Variants in DIAPH2 observed in about 807,000 individuals in gnomAD.
The protein encoded by DIAPH2 is protein diaphanous homolog 2.
DIAPH2 carries 35 observed loss-of-function variants against 92.7 expected under a neutral mutation model. The observed-to-expected ratio is 0.38, with a 90% CI of 0.29 to 0.50. The LOEUF is 0.50. Ranked by LOEUF, DIAPH2 falls within the 20% of genes least tolerant of loss-of-function variation. The pLI, the probability that DIAPH2 is intolerant of heterozygous loss-of-function variation, is 0.94. For missense variants in DIAPH2, 701 were observed against 819.5 expected (o/e 0.86, Z 1.77); for synonymous variants, 301 against 280.4 (o/e 1.07, Z -0.73).
chrX:97,018,875 G>T (rs2066278120), intron 17 of DIAPH2, among the ~76,000 whole-genome samples: 1 of 111,348 alleles, frequency 9.0e-6, no homozygotes, highest in Admixed American at 9.6e-5. Flanking sequence ...GGGTTTCACT[G>T]CCCTAAAAAT....
At chrX:97,557,400 G>A (rs1353771967) in intron 26 of DIAPH2, among the ~76,000 whole-genome samples, 6 of 111,619 alleles carry the variant, frequency 5.4e-5, no homozygotes, top group East Asian at 2.8e-4. Flanking sequence ...TTAGCTGGGT[G>A]TGGTGGCAGG....
intron 17 of DIAPH2, among the ~76,000 whole-genome samples, chrX:97,008,726 T>A (rs1017723067): frequency 1.4e-4 from 16 of 111,583 alleles, no homozygotes; most frequent in African/African-American, 5.2e-4. Flanking sequence ...GGAAGAATTC[T>A]CTGTATTGTC....
chrX:96,685,437 G>T (rs967826183), intron 1 of DIAPH2, among the ~76,000 whole-genome samples: 2 of 112,898 alleles, frequency 1.8e-5, no homozygotes, highest in African/African-American at 6.4e-5. Context: ...GCGGGAAGGA[G>T]AAAGGCCCAG....
chrX:97,155,920 A>G (rs776655024), intron 22 of DIAPH2, among the ~76,000 whole-genome samples: 81 of 112,389 alleles, frequency 7.2e-4, no homozygotes, highest in Non-Finnish European at 1.4e-3. Context: ...AAAACAGGCA[A>G]GTGATTTCAG....
At chrX:96,873,647 T>TATACAC (rs1315292734) in intron 4 of DIAPH2, among the ~76,000 whole-genome samples, 1 of 95,890 alleles carries the variant, frequency 1.0e-5, no homozygotes, top group African/African-American at 3.8e-5. Flanking sequence ...CGTATATATA[T>TATACAC]ACACACACAC....
At chrX:96,970,871 T>C (rs1439749258) in intron 17 of DIAPH2, among the ~76,000 whole-genome samples, 2 of 111,558 alleles carry the variant, frequency 1.8e-5, no homozygotes, top group African/African-American at 6.5e-5. Context: ...GGTAGGCCTA[T>C]AGTGCTATTA....
intron 1 of DIAPH2, among the ~76,000 whole-genome samples, chrX:96,704,599 A>G (rs1378461684): frequency 8.9e-6 from 1 of 111,892 alleles, no homozygotes; most frequent in East Asian, 2.8e-4. Flanking sequence ...TGGGGCTGAT[A>G]GGAGCTTTTA....
At chrX:97,472,208 C>G (rs2070569573) in intron 26 of DIAPH2, among the ~76,000 whole-genome samples, 1 of 112,004 alleles carries the variant, frequency 8.9e-6, no homozygotes, top group African/African-American at 3.2e-5. Flanking sequence ...ATGCTGTGCT[C>G]TAGGCATTAT....
At chrX:97,419,719 C>T (rs1426228593) in intron 25 of DIAPH2, among the ~76,000 whole-genome samples, 1 of 111,385 alleles carries the variant, frequency 9.0e-6, no homozygotes, top group African/African-American at 3.3e-5. Flanking sequence ...TAAATCTCTT[C>T]GAACACTGCC....
chrX:96,965,871 G>A (rs1245734583), intron 17 of DIAPH2, among the ~76,000 whole-genome samples: 1 of 110,750 alleles, frequency 9.0e-6, no homozygotes, highest in Non-Finnish European at 1.9e-5. Context: ...ATTAATTTTT[G>A]GTATTTTATT....
intron 22 of DIAPH2, among the ~76,000 whole-genome samples, chrX:97,202,026 G>T (rs962737828): frequency 6.3e-5 from 7 of 111,673 alleles, no homozygotes; most frequent in African/African-American, 2.3e-4. Context: ...CATTCTTAAA[G>T]AATTTTCATC....
intron 23 of DIAPH2, among the ~76,000 whole-genome samples, chrX:97,273,495 T>A (rs751815904): frequency 4.2e-4 from 47 of 111,865 alleles, no homozygotes; most frequent in Non-Finnish European, 7.7e-4. Flanking sequence ...TACATGAAAA[T>A]TAACAAGGTT....
At chrX:97,010,781 G>A (rs1602713126) in intron 17 of DIAPH2, among the ~76,000 whole-genome samples, 1 of 111,861 alleles carries the variant, frequency 8.9e-6, no homozygotes, top group South Asian at 3.7e-4. Context: ...ATGACATATA[G>A]ATCTTTCCCA....
At position 96,687,014 on chromosome X, in the gene DIAPH2, G is replaced by C. The variant is rs751302758; in HGVS notation, c.132+1824G>C. Among the ~76,000 whole-genome samples, 6 of 111,527 alleles carry C rather than the reference G, an allele frequency of 5.4e-5. No individual in the cohort carries two copies. The South Asian group carries it at 2.2e-3, about 42-fold the overall frequency. ...TGTGTAGGTGATCTTGGGGCATAGG[G>C]GTTCTTAAACTCCTGAAATTGTATG... On this transcript the variant is annotated intron_variant, in intron 1 of 26. Coordinates refer to ENST00000324765, the MANE Select transcript of DIAPH2 (RefSeq NM_006729.5).
At chrX:97,102,876 G>C (rs1286255393) in intron 20 of DIAPH2, among the ~76,000 whole-genome samples, 1 of 111,263 alleles carries the variant, frequency 9.0e-6, no homozygotes, top group Non-Finnish European at 1.9e-5. Flanking sequence ...GGAGGTGGAG[G>C]CTGCAGTGAG....
At chrX:97,281,921 G>A (rs1444379796) in intron 23 of DIAPH2, among the ~76,000 whole-genome samples, 1 of 110,981 alleles carries the variant, frequency 9.0e-6, no homozygotes, top group African/African-American at 3.3e-5. Flanking sequence ...GAATAATATT[G>A]GCACTGGGTA....
intron 1 of DIAPH2, among the ~76,000 whole-genome samples, chrX:96,706,513 ATTGAG>A (rs1246750475): frequency 1.8e-5 from 2 of 112,133 alleles, no homozygotes; most frequent in Non-Finnish European, 3.8e-5. Context: ...GAAGCTACTA[ATTGAG>A]TTGGGTTGGG....
chrX:96,711,581 G>C (rs761412987), intron 1 of DIAPH2, among the ~76,000 whole-genome samples: 2 of 111,235 alleles, frequency 1.8e-5, no homozygotes, highest in South Asian at 7.7e-4. Context: ...TCCTTTGTCA[G>C]ATGCATGGGA....
chrX:96,754,448 T>C (rs189019809), intron 3 of DIAPH2, among the ~76,000 whole-genome samples: 2 of 111,874 alleles, frequency 1.8e-5, no homozygotes, highest in Admixed American at 9.5e-5. Flanking sequence ...TAGTATGTGT[T>C]CAGTAAATAA....
Sources: gnomAD v4.1 joint callset for allele counts (sites outside exome capture counted in the v4.1 genomes callset) on GRCh38, gnomAD v4.1.1 for gene constraint, MANE v1.5 for transcripts, NCBI Gene and HGNC (gene_info 2026-07-23, HGNC 2026-07-21) for gene names.